NDST3: variants seen among roughly 807,000 people sequenced by gnomAD.
NDST3 encodes bifunctional heparan sulfate N-deacetylase/N-sulfotransferase 3.
NDST3 carries 58 observed loss-of-function variants against 96.1 expected under a neutral mutation model. The observed-to-expected ratio is 0.60, with a 90% CI of 0.49 to 0.75. NDST3 has a LOEUF of 0.75. NDST3 is among the 30% of genes least tolerant of loss of function. The probability of loss-of-function intolerance (pLI) is 0.00; values close to 1 mark genes in which losing one functional copy is unlikely to be tolerated. For synonymous variants in NDST3, 333 were observed against 359.7 expected, an observed-to-expected ratio of 0.93 and a Z score of 0.84; for missense variants, 788 against 1,034.2, an observed-to-expected ratio of 0.76 and a Z score of 3.27.
rs546926884 is a variant in NDST3 at position 118,161,166 on chromosome 4, C to T, written c.1539+17482C>T. Among the ~76,000 whole-genome samples the T allele has an allele frequency of 2.3e-4, 35 of 152,352 alleles. No individual in the cohort carries two copies. The South Asian group carries it at 3.3e-3, about 14-fold the overall frequency. ...ACCCTGTTTGCCTGCGTATCCACAG[C>T]GGCAGCTGCAGAACAGCAGATTTTC... is the stretch of plus-strand genomic sequence containing the variant. On this transcript the variant is annotated intron_variant, in intron 6 of 13. Coordinates refer to ENST00000296499, the MANE Select transcript of NDST3 (RefSeq NM_004784.3).
intron 6 of NDST3, among the ~76,000 whole-genome samples, chr4:118,177,848 C>T (rs867987229): frequency 1.3e-5 from 2 of 151,772 alleles, no homozygotes; most frequent in African/African-American, 2.4e-5. Context: ...GATCATGATT[C>T]GGTTAGGTGA....
intron 3 of NDST3, among the ~76,000 whole-genome samples, chr4:118,113,888 C>A (rs1730842488): frequency 6.6e-6 from 1 of 152,026 alleles, no homozygotes; most frequent in South Asian, 2.1e-4. Context: ...GTAGTGAGCA[C>A]CTTATACTGC....
At chr4:118,123,873 G>T (rs1560659834) in intron 4 of NDST3, among the ~76,000 whole-genome samples, 1 of 152,034 alleles carries the variant, frequency 6.6e-6, no homozygotes, top group Non-Finnish European at 1.5e-5. Flanking sequence ...TTTTCTTAAA[G>T]GTTACAAGTG....
chr4:118,198,204 T>G (rs951455898), intron 6 of NDST3, among the ~76,000 whole-genome samples: 12 of 152,196 alleles, frequency 7.9e-5, no homozygotes, highest in African/African-American at 2.9e-4. Flanking sequence ...TTTTGTGATT[T>G]GTTTTCTGGC....
intron 8 of NDST3, among the ~76,000 whole-genome samples, 163 bp downstream of exon 8, chr4:118,227,145 C>T (rs1461077008): frequency 6.6e-6 from 1 of 151,876 alleles, no homozygotes; most frequent in Admixed American, 6.6e-5. Context: ...TACCTAAATG[C>T]TTATCGAAGT....
At chr4:118,091,276 T>C (rs1234195122) in intron 2 of NDST3, among the ~76,000 whole-genome samples, 3 of 151,530 alleles carry the variant, frequency 2.0e-5, no homozygotes, top group Non-Finnish European at 4.4e-5. Context: ...TACACATGTA[T>C]CCCCTGGACC....
chr4:118,168,493 T>C (rs1735707095), intron 6 of NDST3, among the ~76,000 whole-genome samples: 1 of 152,092 alleles, frequency 6.6e-6, no homozygotes, highest in Admixed American at 6.6e-5. Context: ...AGTGAGAATG[T>C]GGAGAAATTA....
At chr4:118,101,020 G>C (rs1291401754) in intron 2 of NDST3, among the ~76,000 whole-genome samples, 3 of 151,896 alleles carry the variant, frequency 2.0e-5, no homozygotes, top group Non-Finnish European at 4.4e-5. Context: ...AACTCTAAAA[G>C]TACTGTGCTC....
intron 6 of NDST3, among the ~76,000 whole-genome samples, chr4:118,159,789 T>C (rs1734964465): frequency 6.6e-6 from 1 of 152,174 alleles, no homozygotes; most frequent in African/African-American, 2.4e-5. Context: ...AATCACTACC[T>C]AGTTTTAATA....
At chr4:118,145,898 C>T (rs77218672) in intron 6 of NDST3, among the ~76,000 whole-genome samples, 7,775 of 152,224 alleles carry the variant, frequency 0.051, 354 homozygotes, top group African/African-American at 0.13. Flanking sequence ...AACTCTAATA[C>T]TGGAAGCAAT....
intron 2 of NDST3, among the ~76,000 whole-genome samples, chr4:118,098,613 G>A (rs962252292): frequency 1.3e-5 from 2 of 152,002 alleles, no homozygotes; most frequent in East Asian, 3.9e-4. Context: ...CTCAAGACCA[G>A]TTAAAGTATG....
At chr4:118,165,893 T>A (rs1490027803) in intron 6 of NDST3, among the ~76,000 whole-genome samples, 1 of 151,782 alleles carries the variant, frequency 6.6e-6, no homozygotes, top group Non-Finnish European at 1.5e-5. Flanking sequence ...TACCAAAACT[T>A]ATGGAATGCA....
intron 1 of NDST3, among the ~76,000 whole-genome samples, chr4:118,040,895 A>T (rs1164790381): frequency 4.1e-5 from 6 of 145,336 alleles, no homozygotes; most frequent in Non-Finnish European, 9.0e-5. Flanking sequence ...ATATATATAT[A>T]TATTTATATA....
At chr4:118,116,982 C>T (rs1267294290) in intron 4 of NDST3, among the ~76,000 whole-genome samples, 2 of 152,018 alleles carry the variant, frequency 1.3e-5, no homozygotes, top group African/African-American at 2.4e-5. Flanking sequence ...AATTCAAAAA[C>T]AATATCTGGT....
intron 1 of NDST3, among the ~76,000 whole-genome samples, chr4:118,052,349 A>G (rs1725127864): frequency 6.6e-6 from 1 of 152,062 alleles, no homozygotes; most frequent in South Asian, 2.1e-4. Context: ...ACATGGACAT[A>G]TACACAAGAA....
Position 118,257,733 on chromosome 4 carries a change from G to GA in NDST3, c.*2027dup, listed in dbSNP as rs1411980412. ...CTAATTTTTAAATATACTATTAGCA[G>GA]AAAAAATTGGAAAAATCACCAATTT... On this transcript the variant is annotated 3_prime_UTR_variant, in exon 14 of 14. Coordinates refer to ENST00000296499, the MANE Select transcript of NDST3 (RefSeq NM_004784.3). The GA allele has an allele frequency of 1.3e-5, 2 of 152,182 alleles. No individual in the cohort carries two copies. The highest frequency in any genetic ancestry group is 4.8e-5 in the African/African-American group (2 of 41,514). 9.4% of individuals were successfully genotyped at this position (152,182 alleles called of 1,614,324 possible).
At chr4:118,046,209 G>A (rs984766027) in intron 1 of NDST3, among the ~76,000 whole-genome samples, 7 of 152,160 alleles carry the variant, frequency 4.6e-5, no homozygotes, top group Admixed American at 1.3e-4. Flanking sequence ...CTGTGGGACT[G>A]CCCACCCTCA....
At position 118,203,342 on chromosome 4, in the gene NDST3, A is replaced by G. The variant is rs189453870; in HGVS notation, c.1540-21149A>G. ...GCTGGCTTCATAGAATATATTAGAA[A>G]GGAACCCCTCCTCTTTGATTTTTTG... On this transcript the variant is annotated intron_variant, in intron 6 of 13. Transcript: ENST00000296499. 6.4e-3 allele frequency among the ~76,000 whole-genome samples: 970 copies of G among 152,246 alleles called. 12 individuals carry two copies. Among genetic ancestry groups the G allele is most frequent in the Non-Finnish European group, 0.011 (746 of 68,022 alleles).
chr4:118,247,175 G>A (rs1741367212), intron 12 of NDST3, among the ~76,000 whole-genome samples: 1 of 148,838 alleles, frequency 6.7e-6, no homozygotes, highest in Middle Eastern at 3.2e-3. Context: ...ACTGGTGCAT[G>A]GCTTTGTTAT....
Sources: allele counts gnomAD v4.1 joint callset (sites outside exome capture counted in the v4.1 genomes callset), GRCh38; gene constraint gnomAD v4.1.1; transcripts MANE v1.5; gene names NCBI Gene and HGNC (gene_info 2026-07-23, HGNC 2026-07-21).